SMG5: variants seen among roughly 807,000 people sequenced by gnomAD.
The protein encoded by SMG5 is nonsense-mediated mRNA decay factor SMG5.
SMG5 carries 53 observed loss-of-function variants against 122.9 expected under a neutral mutation model. That is an observed-to-expected ratio of 0.43 (90% CI 0.35 to 0.54). The LOEUF (loss-of-function observed/expected upper bound fraction) is 0.54. Ranked by LOEUF, SMG5 falls within the 20% of genes least tolerant of loss-of-function variation. SMG5 has a pLI of 0.01. For synonymous variants in SMG5, 477 were observed against 490.2 expected, an observed-to-expected ratio of 0.97 and a Z score of 0.35; for missense variants, 1,153 against 1,285.6, an observed-to-expected ratio of 0.90 and a Z score of 1.58.
At position 156,273,887 on chromosome 1, in the gene SMG5, T is replaced by C. The variant is rs148378275; in HGVS notation, c.545-437A>G. 6.8e-4 allele frequency among the ~76,000 whole-genome samples: 104 copies of C among 152,128 alleles called. No individual in the cohort carries two copies. In the Middle Eastern group the frequency reaches 0.024, roughly 35 times the overall value. ...GCTCTTCTTGGTAATCTCTTCCCAA[T>C]GAAGGGGAGCTGCAGCACACATAAA... On this transcript the variant is annotated intron_variant, in intron 5 of 21. Coordinates refer to ENST00000361813, the MANE Select transcript of SMG5 (RefSeq NM_015327.3).
At chr1:156,283,850 A>G (rs1291750272), upstream of SMG5, among the ~76,000 whole-genome samples, 1 of 152,178 alleles carries the variant, frequency 6.6e-6, no homozygotes, top group Non-Finnish European at 1.5e-5. Context: ...CTTACCAAAG[A>G]GGTCTTTCCT....
intron 12 of SMG5, 105 bp from the exon 13 acceptor site, chr1:156,263,675 C>G: frequency 7.8e-7 from 1 of 1,274,494 alleles, no homozygotes. Flanking sequence ...TGGCCTGGGC[C>G]CTTCCAAGGA....
intron 4 of SMG5, among the ~76,000 whole-genome samples, chr1:156,276,722 T>C (rs1662701262): frequency 6.6e-6 from 1 of 152,224 alleles, no homozygotes; most frequent in South Asian, 2.1e-4. Flanking sequence ...TATCTAAAGA[T>C]TTCAAAACTT....
At chr1:156,266,520 T>G in intron 11 of SMG5, 21 bp downstream of exon 11, 1 of 1,614,134 alleles carries the variant, frequency 6.2e-7, no homozygotes. Flanking sequence ...TCCATAGTGA[T>G]GACCTCCCCG....
intron 6 of SMG5, among the ~76,000 whole-genome samples, chr1:156,273,108 G>A (rs1033698463): frequency 3.3e-5 from 5 of 152,172 alleles, no homozygotes; most frequent in African/African-American, 1.2e-4. Flanking sequence ...ACCTCAGGGA[G>A]AGGAAAGCCA....
chr1:156,253,000 T>C lies in SMG5; in HGVS notation c.2581A>G (p.Thr861Ala). The change falls in exon 18 of 22, where the codon ACC (threonine) becomes GCC (alanine). Residue 861 changes from threonine (T) to alanine (A), a missense_variant. Thr to Ala is a moderately conservative substitution (Grantham distance 58, BLOSUM62 0). Transcript: ENST00000361813. Reference sequence around the variant, plus strand: ...GGGAGATGGTGGCAGAGGGCCTGGGTGTCAGGGACGAGGTAGGGAGACATG... The same window carrying C: ...GGGAGATGGTGGCAGAGGGCCTGGGCGTCAGGGACGAGGTAGGGAGACATG... ...SAMSPYLVPD[T>A]QALCHHLPVI... 2.5e-6 allele frequency: 4 copies of C among 1,613,326 alleles called. No individual in the cohort carries two copies. The highest frequency in any genetic ancestry group is 3.4e-6 in the Non-Finnish European group (4 of 1,179,806).
At chr1:156,253,680 C>T in intron 16 of SMG5, 172 bp from the exon 17 acceptor site, 1 of 656,890 alleles carries the variant, frequency 1.5e-6, no homozygotes. Context: ...TATTCTTCCA[C>T]TGCACTCTGA....
At chr1:156,275,911 C>A (rs1296374834) in intron 4 of SMG5, among the ~76,000 whole-genome samples, 1 of 151,114 alleles carries the variant, frequency 6.6e-6, no homozygotes, top group East Asian at 1.9e-4. Context: ...AACTCCTGGG[C>A]TTCAGCGATC....
At position 156,261,424 on chromosome 1, in the gene SMG5, GGA is replaced by G; in HGVS notation, c.2032-18_2032-17del. ...TTTGAGAGCTCTGGGGAGAGAGAAGGGAGAGGAGGCCTTCAGCTAGAGACAGT... is the reference window on the plus strand; with the variant it reads ...TTTGAGAGCTCTGGGGAGAGAGAAGGGAGGAGGCCTTCAGCTAGAGACAGT... On this transcript the variant is annotated splice_polypyrimidine_tract_variant and intron_variant, in intron 13 of 21. Transcript: ENST00000361813. 6.2e-7 allele frequency: 1 copy of G among 1,610,874 alleles called. No individual in the cohort carries two copies. The highest frequency in any genetic ancestry group is 1.1e-5 in the South Asian group (1 of 91,004).
chr1:156,269,868 C>T (rs1258004582), intron 7 of SMG5, among the ~76,000 whole-genome samples: 1 of 151,994 alleles, frequency 6.6e-6, no homozygotes. Flanking sequence ...GTGCGAGACT[C>T]CATCTCAAAA....
At chr1:156,264,697 A>G (rs961840782) in intron 12 of SMG5, among the ~76,000 whole-genome samples, 3 of 152,184 alleles carry the variant, frequency 2.0e-5, no homozygotes, top group Admixed American at 1.3e-4. Flanking sequence ...CAAGGGAGGA[A>G]AAGCACTTGC....
At position 156,249,550 on chromosome 1, in the gene SMG5, T is replaced by TCTG. The variant is rs1391644220; in HGVS notation, c.*1034_*1036dup. The stretch of plus-strand genomic sequence containing the variant: ...TCACTGCCCTGAGCTATTCATGATC[T>TCTG]CTGCTCCCAGATATTCACCTCAACA... On this transcript the variant is annotated 3_prime_UTR_variant, in exon 22 of 22. Coordinates refer to ENST00000361813, the MANE Select transcript of SMG5 (RefSeq NM_015327.3). 1 of 369,386 alleles carries TCTG rather than the reference T, an allele frequency of 2.7e-6. No individual in the cohort carries two copies. Among genetic ancestry groups the TCTG allele is most frequent in the Non-Finnish European group, 5.5e-6 (1 of 182,396 alleles). 22.9% of individuals were successfully genotyped at this position (369,386 alleles called of 1,614,324 possible). A position where few individuals can be genotyped will look rare whatever the true frequency, so the allele number is the denominator to read the frequency against.
rs1661266962 is a variant in SMG5 at position 156,250,022 on chromosome 1, T to C, written c.*565A>G. 1 of 441,468 alleles carries C rather than the reference T, an allele frequency of 2.3e-6. No homozygotes were observed. Among genetic ancestry groups the C allele is most frequent in the African/African-American group, 2.0e-5 (1 of 49,582 alleles). The allele number at this position is 441,468 out of a possible 1,614,324, so 27.3% of individuals were successfully genotyped here. On this transcript the variant is annotated 3_prime_UTR_variant, in exon 22 of 22. Coordinates refer to ENST00000361813, the MANE Select transcript of SMG5 (RefSeq NM_015327.3). The stretch of plus-strand genomic sequence containing the variant: ...CGGTGCAGGCCACTCCAGGCCTTGC[T>C]TCTCTAACAGCCCCTGTGGCTGGCT...
At chr1:156,261,003 C>T (rs550698924) in intron 14 of SMG5, among the ~76,000 whole-genome samples, 2 of 152,300 alleles carry the variant, frequency 1.3e-5, no homozygotes, top group South Asian at 4.1e-4. Context: ...GACAAACAAA[C>T]TTGGTAGGTC....
Position 156,267,640 on chromosome 1 carries a change from A to C in SMG5, c.947T>G (p.Val316Gly). Reference protein sequence around the residue: ...DSELTSLCQSVLEDFNLCLFY... With the variant: ...DSELTSLCQSGLEDFNLCLFY... ...GAGGCAGAGGTTGAAGTCCTCCAGGACTGACTGGCAAAGTGAGGTCAGCTC... is the reference window on the plus strand; with the variant it reads ...GAGGCAGAGGTTGAAGTCCTCCAGGCCTGACTGGCAAAGTGAGGTCAGCTC... Residue 316 changes from valine (V) to glycine (G), a missense_variant, in exon 10 of 22, where the codon GTC (valine) becomes GGC (glycine). Val to Gly is a moderately radical substitution (Grantham distance 109). Coordinates refer to ENST00000361813, the MANE Select transcript of SMG5 (RefSeq NM_015327.3). The C allele has an allele frequency of 6.2e-7, 1 of 1,612,514 alleles. No individual in the cohort carries two copies. Among genetic ancestry groups the C allele is most frequent in the Non-Finnish European group, 8.5e-7 (1 of 1,179,668 alleles).
intron 12 of SMG5, among the ~76,000 whole-genome samples, chr1:156,265,022 T>C (rs1572583644): frequency 8.9e-6 from 1 of 112,454 alleles, no homozygotes; most frequent in East Asian, 2.5e-4. Flanking sequence ...TGAGACTCTG[T>C]CTCAAAAAAA....
At position 156,263,402 on chromosome 1, in the gene SMG5, C is replaced by T; in HGVS notation, c.2024G>A (p.Cys675Tyr). 1 of 1,613,356 alleles carries T rather than the reference C, an allele frequency of 6.2e-7. No homozygotes were observed. Residue 675 changes from cysteine (C) to tyrosine (Y), a missense_variant, in exon 13 of 22, where the codon TGT becomes TAT. Transcript: ENST00000361813. ...TGGAGTGGACTGACACACCTGCGCA[C>T]ACACGATGATGAGGTCGGGGTTGGT... ...LRTNPDLIIV[C>Y]AQSSQSLWNR...
intron 20 of SMG5, 71 bp downstream of exon 20, chr1:156,251,332 C>T: frequency 6.5e-7 from 1 of 1,548,264 alleles, no homozygotes; most frequent in South Asian, 1.1e-5. Context: ...CCTACCCGTT[C>T]TCCCTAGGAA....
At chr1:156,285,854 C>T, upstream of SMG5, 1 of 1,613,770 alleles carries the variant, frequency 6.2e-7, no homozygotes, top group Non-Finnish European at 8.5e-7. Flanking sequence ...CGCACTCATT[C>T]TCTTCCCTTG....
Sources: gnomAD v4.1 joint callset for allele counts (sites outside exome capture counted in the v4.1 genomes callset) on GRCh38, gnomAD v4.1.1 for gene constraint, MANE v1.5 for transcripts, NCBI Gene and HGNC (gene_info 2026-07-23, HGNC 2026-07-21) for gene names.